RASGRF1: variants seen among roughly 807,000 people sequenced by gnomAD.
RASGRF1 encodes ras-specific guanine nucleotide-releasing factor 1.
RASGRF1 carries 40 observed loss-of-function variants against 138.7 expected under a neutral mutation model. The ratio of observed to expected loss-of-function variants is 0.29; its 90% CI spans 0.22 to 0.38. RASGRF1 has a LOEUF of 0.38. Among genes scored for constraint, RASGRF1 ranks in the 10% least tolerant of loss-of-function variants. The pLI is 1.00. For missense variants in RASGRF1, 1,108 were observed against 1,650.4 expected, an observed-to-expected ratio of 0.67 and a Z score of 5.69; for synonymous variants, 614 against 663.2, an observed-to-expected ratio of 0.93 and a Z score of 1.14.
At chr15:79,017,335 G>A (rs1477605074) in intron 12 of RASGRF1, among the ~76,000 whole-genome samples, 2 of 152,170 alleles carry the variant, frequency 1.3e-5, no homozygotes, top group African/African-American at 2.4e-5. Flanking sequence ...CAGGGACACC[G>A]TTCTCTCGCT....
In RASGRF1 at chr15:79,032,059, C is replaced by G; in HGVS notation, c.1152+64G>C. On this transcript the variant is annotated intron_variant, in intron 7 of 26. Coordinates refer to ENST00000558480, the MANE Select transcript of RASGRF1 (RefSeq NM_001145648.3). This position sits in a 1 kb window ranked among gnomAD's most constrained non-coding sequence, Gnocchi z 4.5. ...TGCGTTAAGCACTGTGCCCCCACCG[C>G]CATGGTCCATCCCCCACACCTGCCT... 6.5e-7 allele frequency: 1 copy of G among 1,544,256 alleles called. No homozygotes were observed. Among genetic ancestry groups the G allele is most frequent in the Non-Finnish European group, 8.8e-7 (1 of 1,139,800 alleles).
intron 1 of RASGRF1, among the ~76,000 whole-genome samples, chr15:79,070,098 C>T (rs1020308535): frequency 6.6e-6 from 1 of 152,202 alleles, no homozygotes; most frequent in Non-Finnish European, 1.5e-5. Context: ...TGCCTTGCTT[C>T]TGCCTGGGAA....
At chr15:79,010,343 T>G (rs1567512799) in intron 13 of RASGRF1, among the ~76,000 whole-genome samples, 1 of 152,176 alleles carries the variant, frequency 6.6e-6, no homozygotes. Flanking sequence ...CGGCAATATT[T>G]CCAATATTCT....
intron 1 of RASGRF1, 139 bp downstream of exon 1, chr15:79,090,084 C>G (rs2058033966): frequency 7.9e-7 from 1 of 1,261,086 alleles, no homozygotes; most frequent in Non-Finnish European, 1.1e-6. Context: ...AGCCTCCCCT[C>G]TCGCTGAGGG....
chr15:78,976,556 T>A (rs1174472469), intron 24 of RASGRF1, among the ~76,000 whole-genome samples: 5 of 109,600 alleles, frequency 4.6e-5, no homozygotes, highest in African/African-American at 7.1e-5. Flanking sequence ...GAACACTCAA[T>A]CAAACACACA....
rs55841040 is a variant in RASGRF1 at position 78,968,126 on chromosome 15, T to C, written c.3681+3740A>G. ...ATTATAGAGACAGGGTCTCACTATG[T>C]TGCTGATCTTGAACTCCTGAACTCA... On this transcript the variant is annotated intron_variant, in intron 26 of 26. Transcript: ENST00000558480. Among the ~76,000 whole-genome samples the C allele has an allele frequency of 5.3e-3, 810 of 152,220 alleles. 5 individuals are homozygous for C. Among genetic ancestry groups the C allele is most frequent in the African/African-American group, 0.018 (750 of 41,524 alleles).
At chr15:79,061,288 G>A (rs1429331400) in intron 2 of RASGRF1, among the ~76,000 whole-genome samples, 5 of 152,102 alleles carry the variant, frequency 3.3e-5, no homozygotes, top group East Asian at 1.9e-4. Context: ...GGCAGAGAGA[G>A]ACCTCAGCTA....
intron 19 of RASGRF1, among the ~76,000 whole-genome samples, chr15:78,996,559 G>A (rs951599876): frequency 6.6e-6 from 1 of 152,160 alleles, no homozygotes; most frequent in African/African-American, 2.4e-5. Context: ...CCCGCAGCTG[G>A]AGCATGGTGG....
chr15:79,083,081 C>T (rs773463108), intron 1 of RASGRF1, among the ~76,000 whole-genome samples: 3 of 152,208 alleles, frequency 2.0e-5, no homozygotes, highest in Non-Finnish European at 4.4e-5. Context: ...GGTGGCAGAG[C>T]CGAGACTTAG....
Position 78,962,025 on chromosome 15 carries a change from G to A in RASGRF1, c.*119C>T, listed in dbSNP as rs561824244. On this transcript the variant is annotated 3_prime_UTR_variant, in exon 27 of 27. Coordinates refer to ENST00000558480, the MANE Select transcript of RASGRF1 (RefSeq NM_001145648.3). ...TCTACAGGAATCTAAGAACAAGGACGATTTGTATTCTTGGAGAAGCACATA... is the reference window on the plus strand; with the variant it reads ...TCTACAGGAATCTAAGAACAAGGACAATTTGTATTCTTGGAGAAGCACATA... 129 of 677,206 alleles carry A rather than the reference G, an allele frequency of 1.9e-4. No individual in the cohort carries two copies. The African/African-American group carries it at 2.0e-3, about 10-fold the overall frequency. 41.9% of individuals were successfully genotyped at this position (677,206 alleles called of 1,614,324 possible).
At chr15:78,972,202 C>T (rs1423480411) in intron 25 of RASGRF1, among the ~76,000 whole-genome samples, 4 of 151,992 alleles carry the variant, frequency 2.6e-5, no homozygotes, top group Admixed American at 2.6e-4. Context: ...TTCAAGTGAT[C>T]CTCCTGCCTC....
intron 5 of RASGRF1, among the ~76,000 whole-genome samples, chr15:79,045,112 T>G (rs2057340818): frequency 6.6e-6 from 1 of 151,480 alleles, no homozygotes; most frequent in South Asian, 2.1e-4. Flanking sequence ...AAATAAGGAG[T>G]CATGGTGGAG....
At chr15:79,061,134 G>A (rs2057598782) in intron 2 of RASGRF1, among the ~76,000 whole-genome samples, 1 of 152,118 alleles carries the variant, frequency 6.6e-6, no homozygotes, top group South Asian at 2.1e-4. Flanking sequence ...TTAGCTGTCA[G>A]CAAGGAAACA....
rs773016378 is a variant in RASGRF1, at chr15:78,980,750, C to G, written c.3415-51G>C. On this transcript the variant is annotated intron_variant, in intron 23 of 26. Transcript: ENST00000558480. ...AACACACAGCACACGCTGTGATCCC[C>G]GAGGCCCGGGGATCAGGCCCACACT... 2.9e-6 allele frequency: 4 copies of G among 1,401,750 alleles called. No individual in the cohort carries two copies. In the Admixed American group the frequency reaches 5.2e-5, roughly 18 times the overall value. 86.8% of individuals were successfully genotyped at this position (1,401,750 alleles called of 1,614,324 possible). A position where few individuals can be genotyped will look rare whatever the true frequency, so the allele number is the denominator to read the frequency against.
intron 24 of RASGRF1, among the ~76,000 whole-genome samples, chr15:78,976,243 C>T (rs1043022454): frequency 5.3e-5 from 8 of 152,124 alleles, no homozygotes; most frequent in South Asian, 2.1e-4. Flanking sequence ...GCAAGTAGCA[C>T]GCCCAGCCCC....
chr15:79,014,949 A>C (rs1017309758), intron 13 of RASGRF1, among the ~76,000 whole-genome samples: 1 of 150,722 alleles, frequency 6.6e-6, no homozygotes, highest in African/African-American at 2.5e-5. Flanking sequence ...AAAAAACAAA[A>C]AACAAACAAA....
intron 1 of RASGRF1, among the ~76,000 whole-genome samples, chr15:79,079,082 C>A (rs184033152): frequency 1.9e-4 from 29 of 152,332 alleles, no homozygotes; most frequent in Admixed American, 5.2e-4. Flanking sequence ...CCTGGGGGCC[C>A]ATGTCAGTGT....
chr15:79,019,885 C>T (rs988357356), intron 11 of RASGRF1, among the ~76,000 whole-genome samples, 156 bp downstream of exon 11: 3 of 152,190 alleles, frequency 2.0e-5, no homozygotes, highest in African/African-American at 7.2e-5. Flanking sequence ...AGGGACTGAA[C>T]AGGGTGTGTG....
At chr15:78,999,663 C>A in intron 17 of RASGRF1, 80 bp downstream of exon 17, 1 of 1,524,278 alleles carries the variant, frequency 6.6e-7, no homozygotes, top group Non-Finnish European at 9.0e-7. Context: ...CAGAGCAAGT[C>A]CCCGGGACCA....
Sources: allele counts gnomAD v4.1 joint callset (sites outside exome capture counted in the v4.1 genomes callset), GRCh38; gene constraint gnomAD v4.1.1; non-coding constraint Gnocchi (gnomAD v3.1); transcripts MANE v1.5; gene names NCBI Gene and HGNC (gene_info 2026-07-23, HGNC 2026-07-21).